Variants in FAM199X observed in about 807,000 individuals in gnomAD.
The protein encoded by FAM199X is family with sequence similarity 199, X-linked.
In FAM199X, 4 loss-of-function variants were observed where a neutral mutation model predicts 22.9. The observed-to-expected ratio is 0.17, with a 90% confidence interval of 0.09 to 0.40. FAM199X has a LOEUF of 0.40. FAM199X is among the 10% of genes least tolerant of loss of function. FAM199X has a pLI of 1.00. For synonymous variants in FAM199X, 101 were observed against 112.3 expected (o/e 0.90, Z 0.64); for missense variants, 183 against 306.8 (o/e 0.60, Z 3.01).
intron 2 of FAM199X, among the ~76,000 whole-genome samples, chrX:104,182,479 G>GT (rs1434495353): frequency 4.5e-5 from 5 of 111,058 alleles, no homozygotes; most frequent in Admixed American, 9.6e-5. Flanking sequence ...CTTAGAAAAT[G>GT]TTATCGGCCT....
At chrX:104,160,241 A>G in the FAM199X span, among the ~76,000 whole-genome samples, 1 of 112,433 alleles carries the variant, frequency 8.9e-6, no homozygotes, top group African/African-American at 3.2e-5. Flanking sequence ...GTCAAACTTG[A>G]ACATCTGTCC....
intron 2 of FAM199X, among the ~76,000 whole-genome samples, chrX:104,185,736 G>A (rs888199410): frequency 1.8e-5 from 2 of 110,445 alleles, no homozygotes; most frequent in Non-Finnish European, 3.8e-5. Context: ...TCAGTGTCCC[G>A]AGTAACTACA....
In FAM199X at chrX:104,180,535, C is replaced by T. The variant is rs73637734; in HGVS notation, c.417+4693C>T. ...TTAAGAGTGGAAAACCATCCCCAGC[C>T]ATTCACCGTTAATGTACATGAGTGA... is the stretch of plus-strand genomic sequence containing the variant. On this transcript the variant is annotated intron_variant, in intron 2 of 5. Coordinates refer to ENST00000493442, the MANE Select transcript of FAM199X (RefSeq NM_207318.4). 5.9e-3 allele frequency among the ~76,000 whole-genome samples: 651 copies of T among 110,939 alleles called. 7 individuals carry two copies. Among genetic ancestry groups the T allele is most frequent in the African/African-American group, 0.02 (616 of 30,591 alleles).
chrX:104,183,148 T>A (rs1210705972), intron 2 of FAM199X, among the ~76,000 whole-genome samples: 1 of 111,743 alleles, frequency 8.9e-6, no homozygotes, highest in Non-Finnish European at 1.9e-5. Flanking sequence ...GAATTTTTTT[T>A]ATTATATTTT....
chrX:104,179,599 T>G (rs1420109721), intron 2 of FAM199X, among the ~76,000 whole-genome samples: 1 of 111,697 alleles, frequency 9.0e-6, no homozygotes, highest in Non-Finnish European at 1.9e-5. Flanking sequence ...TGACTAGAGA[T>G]AGTTTTCCTT....
At chrX:104,165,087 G>T (rs1445500120), upstream of FAM199X, among the ~76,000 whole-genome samples, 2 of 111,181 alleles carry the variant, frequency 1.8e-5, no homozygotes, top group African/African-American at 6.6e-5. Context: ...GTGCATTAGG[G>T]ACCATAGAAC....
At chrX:104,183,087 A>G (rs1921704930) in intron 2 of FAM199X, among the ~76,000 whole-genome samples, 1 of 111,486 alleles carries the variant, frequency 9.0e-6, no homozygotes, top group Non-Finnish European at 1.9e-5. Flanking sequence ...GCATAAAGAG[A>G]AGTAAAGGTA....
In FAM199X at chrX:104,189,643, C is replaced by T; in HGVS notation, c.1032C>T (p.Ala344=). The T allele has an allele frequency of 8.3e-7, 1 of 1,211,723 alleles. No homozygotes were observed. The highest frequency in any genetic ancestry group is 1.1e-6 in the Non-Finnish European group (1 of 895,474). The change falls in exon 6 of 6, where the codon GCC becomes GCT. Residue 344 remains alanine (A), a synonymous_variant. Coordinates refer to ENST00000493442, the MANE Select transcript of FAM199X (RefSeq NM_207318.4). The part of the protein sequence containing the change: ...RSKQRKLQQK[A]FRKRQLKEQR... Reference sequence around the variant, plus strand: ...AGCAGCGGAAGTTACAGCAGAAGGCCTTCCGCAAGAGGCAGCTGAAGGAGC... The same window carrying T: ...AGCAGCGGAAGTTACAGCAGAAGGCTTTCCGCAAGAGGCAGCTGAAGGAGC...
At chrX:104,160,450 T>G in the FAM199X span, among the ~76,000 whole-genome samples, 1 of 113,028 alleles carries the variant, frequency 8.8e-6, no homozygotes, top group South Asian at 3.6e-4. Flanking sequence ...TGATAGACAC[T>G]GCTATAATAG....
chrX:104,179,100 A>G (rs1921572180), intron 2 of FAM199X, among the ~76,000 whole-genome samples: 1 of 112,018 alleles, frequency 8.9e-6, no homozygotes, highest in Non-Finnish European at 1.9e-5. Context: ...ATTGCACTCT[A>G]GTCTGGGCAA....
chrX:104,161,925 C>T (rs782010787), upstream of FAM199X, among the ~76,000 whole-genome samples: 2 of 111,670 alleles, frequency 1.8e-5, no homozygotes, highest in Non-Finnish European at 3.8e-5. Context: ...TGGTATTTCT[C>T]AAAAATTTTT....
intron 2 of FAM199X, among the ~76,000 whole-genome samples, chrX:104,183,270 C>T (rs1247487140): frequency 6.5e-5 from 7 of 107,283 alleles, no homozygotes; most frequent in African/African-American, 2.0e-4. Flanking sequence ...TTTTAGGGGC[C>T]ACAGGGAGAT....
chrX:104,172,211 G>A (rs781883256), intron 1 of FAM199X, among the ~76,000 whole-genome samples: 85 of 104,832 alleles, frequency 8.1e-4, no homozygotes, highest in African/African-American at 2.6e-3. Context: ...AAACCAGCCC[G>A]GACAACGTGA....
At chrX:104,173,208 C>T (rs917884880) in intron 1 of FAM199X, among the ~76,000 whole-genome samples, 2 of 111,418 alleles carry the variant, frequency 1.8e-5, no homozygotes, top group Non-Finnish European at 1.9e-5. Flanking sequence ...GGTATGATTC[C>T]TCTTCATAAC....
At chrX:104,164,928 CTTA>C (rs1296071917), upstream of FAM199X, among the ~76,000 whole-genome samples, 1 of 112,015 alleles carries the variant, frequency 8.9e-6, no homozygotes, top group Non-Finnish European at 1.9e-5. Flanking sequence ...TCGTTAGCTT[CTTA>C]TTAACAGTTC....
intron 4 of FAM199X, 152 bp from the exon 5 acceptor site, chrX:104,187,888 T>C: frequency 1.6e-6 from 1 of 619,468 alleles, no homozygotes; most frequent in Non-Finnish European, 2.5e-6. Flanking sequence ...AGTACTTATT[T>C]CTAAATTTAG....
chrX:104,162,166 G>A (rs1921058050), upstream of FAM199X, among the ~76,000 whole-genome samples: 1 of 111,972 alleles, frequency 8.9e-6, no homozygotes, highest in African/African-American at 3.2e-5. Flanking sequence ...GGAAGCAGCT[G>A]AGCCCCAATT....
In FAM199X at chrX:104,191,426, A is replaced by G. The variant is rs1378251971; in HGVS notation, c.*1648A>G. 8.9e-6 allele frequency: 1 copy of G among 111,909 alleles called. No individual in the cohort carries two copies. The highest frequency in any genetic ancestry group is 1.9e-5 in the Non-Finnish European group (1 of 53,107). The allele number at this position is 111,909 out of a possible 1,213,427, so 9.2% of individuals were successfully genotyped here. The stretch of plus-strand genomic sequence containing the variant: ...TTTGAAATTTTTACTAAAATAAAAC[A>G]TATGTGTCTATGGTTTTCAATTGGA... On this transcript the variant is annotated 3_prime_UTR_variant, in exon 6 of 6. Transcript: ENST00000493442.
upstream of FAM199X, among the ~76,000 whole-genome samples, chrX:104,162,998 G>T (rs781796634): frequency 3.6e-5 from 4 of 110,879 alleles, no homozygotes; most frequent in South Asian, 3.7e-4. Context: ...CATTGCCAAA[G>T]CTTTGTGCAA....
Sources: gnomAD v4.1 joint callset for allele counts (sites outside exome capture counted in the v4.1 genomes callset) on GRCh38, gnomAD v4.1.1 for gene constraint, MANE v1.5 for transcripts, NCBI Gene and HGNC (gene_info 2026-07-23, HGNC 2026-07-21) for gene names.